The following SLC39A10 variants were observed in gnomAD, a reference collection of about 807,000 sequenced individuals.
SLC39A10 encodes zinc transporter ZIP10.
SLC39A10 carries 13 observed loss-of-function variants against 65.1 expected under a neutral mutation model. The observed-to-expected ratio is 0.20, with a 90% confidence interval of 0.13 to 0.32. SLC39A10 has a LOEUF of 0.32. SLC39A10 is among the 10% of genes least tolerant of loss of function. The pLI is 1.00. For synonymous variants in SLC39A10, 321 were observed against 342.2 expected (o/e 0.94, Z 0.68); for missense variants, 831 against 1,018.4 (o/e 0.82, Z 2.50).
chr2:195,628,847 A>T (rs1303096628), intron 2 of SLC39A10, among the ~76,000 whole-genome samples: 1 of 152,224 alleles, frequency 6.6e-6, no homozygotes, highest in Non-Finnish European at 1.5e-5. Flanking sequence ...TTCAAATGTA[A>T]TCTAAAATGC....
intron 2 of SLC39A10, among the ~76,000 whole-genome samples, chr2:195,630,310 T>C (rs1238190015): frequency 6.6e-6 from 1 of 152,118 alleles, no homozygotes; most frequent in African/African-American, 2.4e-5. Context: ...TGTTTGTTGG[T>C]TTATTATAAA....
chr2:195,728,914 A>G lies in SLC39A10; in HGVS notation c.2337+565A>G, dbSNP rs1324807055. On this transcript the variant is annotated intron_variant, in intron 9 of 9. Transcript: ENST00000359634. The surrounding 1 kb of genome is among the most constrained non-coding windows in gnomAD (Gnocchi z 4.4). ...TTTTTATGTTTGTTTGTTTGACTAG[A>G]TAGGACATTTACTTTTTTTTTTCTG... Among the ~76,000 whole-genome samples the G allele has an allele frequency of 2.6e-5, 2 of 75,536 alleles. No individual in the cohort carries two copies. Among genetic ancestry groups the G allele is most frequent in the Non-Finnish European group, 5.2e-5 (2 of 38,822 alleles). 49.6% of individuals were successfully genotyped at this position (75,536 alleles called of 152,430 possible).
At chr2:195,677,491 G>A (rs538970653) in intron 1 of SLC39A10, among the ~76,000 whole-genome samples, 78 of 152,190 alleles carry the variant, frequency 5.1e-4, no homozygotes, top group Non-Finnish European at 1.0e-3. Flanking sequence ...CTATGATTGC[G>A]CCACTGTACT....
chr2:195,723,299 C>T (rs1456473743), intron 8 of SLC39A10, among the ~76,000 whole-genome samples: 3 of 152,196 alleles, frequency 2.0e-5, no homozygotes, highest in Non-Finnish European at 4.4e-5. Flanking sequence ...ATTTAAGTTA[C>T]AATACTACTT....
Position 195,657,232 on chromosome 2 carries a change from G to A in SLC39A10, c.-61G>A. 1 of 245,452 alleles carries A rather than the reference G, an allele frequency of 4.1e-6. No homozygotes were observed. Among genetic ancestry groups the A allele is most frequent in the Non-Finnish European group, 6.5e-6 (1 of 153,394 alleles). The allele number at this position is 245,452 out of a possible 1,614,324, so 15.2% of individuals were successfully genotyped here. On this transcript the variant is annotated 5_prime_UTR_variant, in exon 1 of 10. Coordinates refer to ENST00000359634, the MANE Select transcript of SLC39A10 (RefSeq NM_020342.3). ...GGTGAATACACGATTTGGTGCAGCCGGGGTTTGGTACCGAGCGGAGAGGAG... is the reference window on the plus strand; with the variant it reads ...GGTGAATACACGATTTGGTGCAGCCAGGGTTTGGTACCGAGCGGAGAGGAG...
intron 1 of SLC39A10, among the ~76,000 whole-genome samples, chr2:195,661,847 A>G (rs946514845): frequency 6.6e-6 from 1 of 152,366 alleles, no homozygotes. Context: ...TTATTTTCAC[A>G]ATCTAAAAGT....
At position 195,717,930 on chromosome 2, in the gene SLC39A10, C is replaced by T. The variant is rs373437906; in HGVS notation, c.2066-322C>T. ...CAAGTACAATCTTAGACTTATAAGACTTAAAGTTGACCATCAAACCACTAC... is the reference window on the plus strand; with the variant it reads ...CAAGTACAATCTTAGACTTATAAGATTTAAAGTTGACCATCAAACCACTAC... On this transcript the variant is annotated intron_variant, in intron 7 of 9. Transcript: ENST00000359634. Among the ~76,000 whole-genome samples the T allele has an allele frequency of 9.8e-4, 149 of 152,272 alleles. 7 individuals are homozygous for T. In the South Asian group the frequency reaches 0.031, roughly 31 times the overall value.
chr2:195,639,133 T>C (rs1252992889), intron 2 of SLC39A10, among the ~76,000 whole-genome samples: 1 of 152,102 alleles, frequency 6.6e-6, no homozygotes, highest in Non-Finnish European at 1.5e-5. Context: ...TTTTCAGATT[T>C]GTAAAGATAA....
chr2:195,645,745 T>C (rs528443741), intron 2 of SLC39A10, among the ~76,000 whole-genome samples: 13 of 152,328 alleles, frequency 8.5e-5, no homozygotes, highest in African/African-American at 2.6e-4. Flanking sequence ...GGTTAATTCA[T>C]GTTGTAGCAT....
At chr2:195,690,971 G>A (rs1690716294) in intron 3 of SLC39A10, among the ~76,000 whole-genome samples, 1 of 152,054 alleles carries the variant, frequency 6.6e-6, no homozygotes, top group Admixed American at 6.6e-5. Flanking sequence ...AGTGTATACT[G>A]TACCCAATGT....
chr2:195,690,557 A>G (rs926333447), intron 3 of SLC39A10, among the ~76,000 whole-genome samples: 3 of 152,142 alleles, frequency 2.0e-5, no homozygotes, highest in African/African-American at 7.2e-5. Context: ...TCTTGATAGT[A>G]GTCATCGTAA....
intron 8 of SLC39A10, among the ~76,000 whole-genome samples, chr2:195,719,784 A>G (rs1691958150): frequency 6.7e-6 from 1 of 148,908 alleles, no homozygotes. Flanking sequence ...ACGCCTGGCT[A>G]ATTTTTGTTT....
At position 195,694,969 on chromosome 2, in the gene SLC39A10, C is replaced by G. The variant is rs76627232; in HGVS notation, c.1216+11063C>G. On this transcript the variant is annotated intron_variant, in intron 3 of 9. Coordinates refer to ENST00000359634, the MANE Select transcript of SLC39A10 (RefSeq NM_020342.3). ...GAGTGAAAGAAAGAAATGGGGAAAACAGACTCTCCGCGGGGCCGGAGTCCC... is the reference window on the plus strand; with the variant it reads ...GAGTGAAAGAAAGAAATGGGGAAAAGAGACTCTCCGCGGGGCCGGAGTCCC... Among the ~76,000 whole-genome samples the G allele has an allele frequency of 8.7e-3, 1,324 of 152,270 alleles. 18 individuals carry two copies. Among genetic ancestry groups the G allele is most frequent in the African/African-American group, 0.031 (1,279 of 41,538 alleles).
chr2:195,623,835 A>G (rs1688401156), intron 2 of SLC39A10, among the ~76,000 whole-genome samples: 2 of 151,850 alleles, frequency 1.3e-5, no homozygotes, highest in South Asian at 2.1e-4. Flanking sequence ...AAAATATTCC[A>G]TCCAAGTAAG....
intron 3 of SLC39A10, among the ~76,000 whole-genome samples, chr2:195,701,230 C>T (rs1352931213): frequency 6.6e-6 from 1 of 151,842 alleles, no homozygotes; most frequent in Non-Finnish European, 1.5e-5. Flanking sequence ...GTGAATTTTT[C>T]ATTTCAGTTA....
intron 2 of SLC39A10, among the ~76,000 whole-genome samples, chr2:195,649,566 C>G (rs1688990477): frequency 6.6e-6 from 1 of 152,170 alleles, no homozygotes; most frequent in Non-Finnish European, 1.5e-5. Flanking sequence ...GTATTAATTT[C>G]AACCAGTTTA....
At position 195,723,420 on chromosome 2, in the gene SLC39A10, G is replaced by C. The variant is rs570402820; in HGVS notation, c.2147-4739G>C. 1.6e-4 allele frequency among the ~76,000 whole-genome samples: 25 copies of C among 152,326 alleles called. 1 individual carries two copies. The highest frequency in any genetic ancestry group is 1.4e-3 in the Admixed American group (21 of 15,294). On this transcript the variant is annotated intron_variant, in intron 8 of 9. Coordinates refer to ENST00000359634, the MANE Select transcript of SLC39A10 (RefSeq NM_020342.3). ...TAGGAGGAGGCCATCTATAGGTAAT[G>C]TAATGTTGGGGACCATCCAGAGGGC...
chr2:195,736,649 C>CT lies in SLC39A10; in HGVS notation c.*1609dup, dbSNP rs1692616519. Reference sequence around the variant, plus strand: ...TTATTGCCAGTGTCTTTTCTGTATGCTATAAGCAAGGGAGCTTAGGTGTTA... The same window carrying CT: ...TTATTGCCAGTGTCTTTTCTGTATGCTTATAAGCAAGGGAGCTTAGGTGTTA... On this transcript the variant is annotated 3_prime_UTR_variant, in exon 10 of 10. Coordinates refer to ENST00000359634, the MANE Select transcript of SLC39A10 (RefSeq NM_020342.3). 1.3e-5 allele frequency: 2 copies of CT among 152,148 alleles called. No individual in the cohort carries two copies. Among genetic ancestry groups the CT allele is most frequent in the South Asian group, 4.1e-4 (2 of 4,832 alleles). The allele number at this position is 152,148 out of a possible 1,614,324, so 9.4% of individuals were successfully genotyped here.
intron 2 of SLC39A10, among the ~76,000 whole-genome samples, chr2:195,632,588 AT>A (rs1559008971): frequency 2.0e-5 from 3 of 152,136 alleles, no homozygotes; most frequent in Non-Finnish European, 4.4e-5. Flanking sequence ...GATTACAGGC[AT>A]GAGCCACCAC....
Sources: allele counts gnomAD v4.1 joint callset (sites outside exome capture counted in the v4.1 genomes callset), GRCh38; gene constraint gnomAD v4.1.1; non-coding constraint Gnocchi (gnomAD v3.1); transcripts MANE v1.5; gene names NCBI Gene and HGNC (gene_info 2026-07-23, HGNC 2026-07-21).